SERINC2: variants seen among roughly 807,000 people sequenced by gnomAD.
The protein encoded by SERINC2 is tumor differentially expressed protein 2.
SERINC2 carries 56 observed loss-of-function variants against 54.2 expected under a neutral mutation model. The ratio of observed to expected loss-of-function variants is 1.03; its 90% CI spans 0.83 to 1.29. SERINC2 has a LOEUF of 1.29. SERINC2 is among the 50% of genes most tolerant of loss of function. The probability of loss-of-function intolerance (pLI) is 0.00; values close to 1 mark genes in which losing one functional copy is unlikely to be tolerated. For missense variants in SERINC2, 614 were observed against 607.4 expected, an observed-to-expected ratio of 1.01 and a Z score of -0.12; for synonymous variants, 272 against 253.1, an observed-to-expected ratio of 1.07 and a Z score of -0.71.
At chr1:31,432,117 G>GCA (rs1553134721) in intron 8 of SERINC2, among the ~76,000 whole-genome samples, 11 of 131,050 alleles carry the variant, frequency 8.4e-5, no homozygotes, top group East Asian at 4.7e-4. Flanking sequence ...TGGATAGGGT[G>GCA]GTTAGGGTGG....
chr1:31,427,752 T>G (rs1641082972), intron 6 of SERINC2, among the ~76,000 whole-genome samples: 1 of 151,636 alleles, frequency 6.6e-6, no homozygotes, highest in Admixed American at 6.6e-5. Flanking sequence ...CAAGGTCACA[T>G]GGGGAGCTGG....
Position 31,413,280 on chromosome 1 carries a change from G to A in SERINC2, c.15G>A (p.Leu5=). The A allele has an allele frequency of 7.9e-7, 1 of 1,265,960 alleles. No individual in the cohort carries two copies. The highest frequency in any genetic ancestry group is 9.9e-7 in the Non-Finnish European group (1 of 1,007,212). 78.4% of individuals were successfully genotyped at this position (1,265,960 alleles called of 1,614,324 possible). Reference sequence around the variant, plus strand: ...GAGCCGCCGCCATGGGGGCCTGCCTGGGAGCCTGCTCCCTGCTCAGCTGCG... The same window carrying A: ...GAGCCGCCGCCATGGGGGCCTGCCTAGGAGCCTGCTCCCTGCTCAGCTGCG... MGAC[L]GACSLLSCAS... is the part of the protein sequence containing the mutation. Residue 5 remains leucine (L), a synonymous_variant, in exon 1 of 10, where the codon CTG becomes CTA. Coordinates refer to ENST00000373709, the MANE Select transcript of SERINC2 (RefSeq NM_178865.5). The surrounding 1 kb of genome is among the most constrained non-coding windows in gnomAD (Gnocchi z 5.0).
intron 8 of SERINC2, among the ~76,000 whole-genome samples, chr1:31,431,018 A>C (rs1011635420): frequency 3.9e-5 from 6 of 152,166 alleles, no homozygotes; most frequent in Non-Finnish European, 7.3e-5. Context: ...TGTACAGTTC[A>C]TAAACATCTG....
intron 7 of SERINC2, 122 bp downstream of exon 7, chr1:31,429,190 C>A (rs535875813): frequency 1.9e-6 from 2 of 1,043,608 alleles, no homozygotes; most frequent in Non-Finnish European, 2.9e-6. Context: ...TTCTGAGACT[C>A]AGTCCTCCCA....
intron 2 of SERINC2, 60 bp from the exon 3 acceptor site, chr1:31,424,623 G>A: frequency 1.4e-6 from 2 of 1,395,196 alleles, no homozygotes; most frequent in Non-Finnish European, 1.9e-6. Context: ...GGTTTATAAA[G>A]GGAGCTGCCA....
chr1:31,413,315 A>G lies in SERINC2; in HGVS notation c.39+11A>G, dbSNP rs1452519366. 17 of 1,257,484 alleles carry G rather than the reference A, an allele frequency of 1.4e-5. No individual in the cohort carries two copies. The highest frequency in any genetic ancestry group is 1.6e-5 in the Non-Finnish European group (16 of 1,001,778). The allele number at this position is 1,257,484 out of a possible 1,614,324, so 77.9% of individuals were successfully genotyped here. On this transcript the variant is annotated intron_variant, in intron 1 of 9. Transcript: ENST00000373709. The surrounding 1 kb of genome is among the most constrained non-coding windows in gnomAD (Gnocchi z 5.0). ...TCCCTGCTCAGCTGCGTGAGTCCCG[A>G]CCCCGGCGCCCGCCCGCGCGCGCCG...
At chr1:31,417,522 C>T (rs1553132336) in intron 1 of SERINC2, among the ~76,000 whole-genome samples, 1 of 152,146 alleles carries the variant, frequency 6.6e-6, no homozygotes, top group Admixed American at 6.5e-5. Flanking sequence ...TGCCCCCTCC[C>T]TTTTAAAAAA....
chr1:31,427,915 G>A (rs1313681811), intron 6 of SERINC2, among the ~76,000 whole-genome samples: 2 of 138,584 alleles, frequency 1.4e-5, no homozygotes, highest in Admixed American at 8.1e-5. Flanking sequence ...TGCAAGCTCC[G>A]CCTCCCAGGT....
In SERINC2 at chr1:31,413,857, C is replaced by G. The variant is rs1640707331; in HGVS notation, c.39+553C>G. ...CTGTGTCCGTCGTTCGTCCGACTGT[C>G]TTTGTCCGTCTGCTGTCTTCTGTCC... On this transcript the variant is annotated intron_variant, in intron 1 of 9. Coordinates refer to ENST00000373709, the MANE Select transcript of SERINC2 (RefSeq NM_178865.5). This position sits in a 1 kb window ranked among gnomAD's most constrained non-coding sequence, Gnocchi z 5.0. 1.4e-6 allele frequency: 2 copies of G among 1,428,856 alleles called. No individual in the cohort carries two copies. The highest frequency in any genetic ancestry group is 1.8e-6 in the Non-Finnish European group (2 of 1,097,414). The allele number at this position is 1,428,856 out of a possible 1,614,324, so 88.5% of individuals were successfully genotyped here. A position where few individuals can be genotyped will look rare whatever the true frequency, so the allele number is the denominator to read the frequency against.
rs1553135095 is a variant in SERINC2, at chr1:31,433,159, C to A, written c.1206C>A (p.Val402=). 6.2e-7 allele frequency: 1 copy of A among 1,613,692 alleles called. No individual in the cohort carries two copies. Among genetic ancestry groups the A allele is most frequent in the Non-Finnish European group, 8.5e-7 (1 of 1,179,956 alleles). ...HFCLVLASLH[V]MMTLTNWYKP... is the part of the protein sequence containing the mutation. ...GCCTGGTGCTGGCCTCACTGCACGT[C>A]ATGATGACGCTCACCAACTGGTACA... Residue 402 remains valine (V), a synonymous_variant, in exon 9 of 10, where the codon GTC becomes GTA. Coordinates refer to ENST00000373709, the MANE Select transcript of SERINC2 (RefSeq NM_178865.5).
At chr1:31,424,545 C>A (rs1640981309) in intron 2 of SERINC2, 138 bp from the exon 3 acceptor site, 1 of 690,676 alleles carries the variant, frequency 1.4e-6, no homozygotes, top group African/African-American at 1.8e-5. Context: ...AGGGGCTCCC[C>A]TCCCTGTCTG....
At chr1:31,429,964 C>G (rs1389966488) in intron 8 of SERINC2, among the ~76,000 whole-genome samples, 2 of 152,050 alleles carry the variant, frequency 1.3e-5, no homozygotes, top group Non-Finnish European at 2.9e-5. Flanking sequence ...ACCCCACACT[C>G]TCCCCCGAGA....
At chr1:31,419,308 G>A (rs1640851365) in intron 1 of SERINC2, among the ~76,000 whole-genome samples, 1 of 152,086 alleles carries the variant, frequency 6.6e-6, no homozygotes, top group African/African-American at 2.4e-5. Context: ...GTTTTTTGTA[G>A]TTTCTTGAGA....
rs113450135 is a variant in SERINC2, at chr1:31,431,302, A to ATT, written c.1014-1652_1014-1651dup. Among the ~76,000 whole-genome samples the ATT allele has an allele frequency of 7.6e-3, 1,087 of 143,524 alleles. 12 individuals are homozygous for ATT. Among genetic ancestry groups the ATT allele is most frequent in the African/African-American group, 0.019 (755 of 38,826 alleles). 94.2% of individuals were successfully genotyped at this position (143,524 alleles called of 152,430 possible). ...ACCATGCCTGGCTACTTAAAAAAACATTTTTTTTTTTTTTGTAGAGACACT... is the reference window on the plus strand; with the variant it reads ...ACCATGCCTGGCTACTTAAAAAAACATTTTTTTTTTTTTTTTGTAGAGACACT... On this transcript the variant is annotated intron_variant, in intron 8 of 9. Transcript: ENST00000373709.
chr1:31,417,723 C>T lies in SERINC2; in HGVS notation c.39+4419C>T, dbSNP rs550585905. 1.0e-3 allele frequency among the ~76,000 whole-genome samples: 158 copies of T among 152,182 alleles called. No homozygotes were observed. In the Middle Eastern group the frequency reaches 0.014, roughly 13 times the overall value. On this transcript the variant is annotated intron_variant, in intron 1 of 9. Coordinates refer to ENST00000373709, the MANE Select transcript of SERINC2 (RefSeq NM_178865.5). ...GTAACCACCAATTCACTGCTTTTCT[C>T]TATGAGTTTGGCTACTCTCTCCATC...
intron 1 of SERINC2, among the ~76,000 whole-genome samples, chr1:31,422,903 G>A (rs913057614): frequency 1.3e-5 from 2 of 152,170 alleles, no homozygotes; most frequent in Admixed American, 1.3e-4. Context: ...AGAGGGAAAG[G>A]GTTAGACCGC....
At chr1:31,411,416 C>T (rs782336151), upstream of SERINC2, among the ~76,000 whole-genome samples, 2 of 152,152 alleles carry the variant, frequency 1.3e-5, no homozygotes, top group African/African-American at 2.4e-5. Context: ...CTTTGTTTCT[C>T]GGTTTCCTCA....
At position 31,414,229 on chromosome 1, in the gene SERINC2, A is replaced by C. The variant is rs115538384; in HGVS notation, c.39+925A>C. The C allele has an allele frequency of 2.6e-3, 3,411 of 1,335,292 alleles. 80 individuals are homozygous for C. The African/African-American group carries it at 0.048, about 19-fold the overall frequency. 82.7% of individuals were successfully genotyped at this position (1,335,292 alleles called of 1,614,324 possible). On this transcript the variant is annotated intron_variant, in intron 1 of 9. Transcript: ENST00000373709. ...CGCAGAGGGGAGGGGCTCCAGCAAG[A>C]CCCCGGCTGGGAGGCCCGTTCTCCC...
chr1:31,433,053 A>G lies in SERINC2; in HGVS notation c.1100A>G (p.Gln367Arg), dbSNP rs782511485. 2.5e-6 allele frequency: 4 copies of G among 1,612,914 alleles called. No individual in the cohort carries two copies. Among genetic ancestry groups the G allele is most frequent in the South Asian group, 2.2e-5 (2 of 91,046 alleles). Residue 367 changes from glutamine (Q) to arginine (R), a missense_variant, in exon 9 of 10, where the codon CAG (glutamine) becomes CGG (arginine). Physicochemically the swap from Gln to Arg is conservative, Grantham distance 43. Coordinates refer to ENST00000373709, the MANE Select transcript of SERINC2 (RefSeq NM_178865.5). ...ATGCTAGACGCCACACAGCAGCAGC[A>G]GCAGGTGGCAGCCTGTGAGGGCCGG... is the stretch of plus-strand genomic sequence containing the variant. Reference protein sequence around the residue: ...PPMLDATQQQQQVAACEGRAF... With the variant: ...PPMLDATQQQRQVAACEGRAF...
Sources: allele counts gnomAD v4.1 joint callset (sites outside exome capture counted in the v4.1 genomes callset), GRCh38; gene constraint gnomAD v4.1.1; non-coding constraint Gnocchi (gnomAD v3.1); transcripts MANE v1.5; gene names NCBI Gene and HGNC (gene_info 2026-07-23, HGNC 2026-07-21).